Variants in RBFOX1 observed in about 807,000 individuals in gnomAD.
The protein encoded by RBFOX1 is RNA binding protein fox-1 homolog 1.
RBFOX1 carries 8 observed loss-of-function variants against 57.7 expected under a neutral mutation model. The ratio of observed to expected loss-of-function variants is 0.14; its 90% CI spans 0.08 to 0.25. The LOEUF (loss-of-function observed/expected upper bound fraction) is 0.25. Ranked by LOEUF, RBFOX1 falls within the 10% of genes least tolerant of loss-of-function variation. The pLI is 1.00. For synonymous variants in RBFOX1, 326 were observed against 222.4 expected, an observed-to-expected ratio of 1.47 and a Z score of -4.15; for missense variants, 611 against 548.5, an observed-to-expected ratio of 1.11 and a Z score of -1.14.
intron 3 of RBFOX1, among the ~76,000 whole-genome samples, chr16:6,919,432 C>G (rs1055634149): frequency 7.0e-6 from 1 of 143,310 alleles, no homozygotes; most frequent in African/African-American, 2.6e-5. Flanking sequence ...AAAGCTCCCC[C>G]AAACTGGAAC....
chr16:5,485,835 G>C (rs757785782), intron 2 of RBFOX1, among the ~76,000 whole-genome samples: 1 of 152,228 alleles, frequency 6.6e-6, no homozygotes, highest in Non-Finnish European at 1.5e-5. Flanking sequence ...GATAGAATCT[G>C]TAATCAGGTT....
intron 1 of RBFOX1, among the ~76,000 whole-genome samples, chr16:5,340,990 G>T (rs2065019586): frequency 6.6e-6 from 1 of 152,180 alleles, no homozygotes; most frequent in Admixed American, 6.5e-5. Flanking sequence ...GCAGTGACCT[G>T]TGTGATATGA....
chr16:6,545,390 C>G (rs911411074), intron 2 of RBFOX1, among the ~76,000 whole-genome samples: 5 of 152,174 alleles, frequency 3.3e-5, no homozygotes, highest in Admixed American at 3.3e-4. Context: ...TTCTCTCCAA[C>G]CCCTCTCTCT....
intron 6 of RBFOX1, among the ~76,000 whole-genome samples, chr16:7,583,993 T>A (rs6500988): frequency 6.6e-6 from 1 of 152,038 alleles, no homozygotes; most frequent in Non-Finnish European, 1.5e-5. Flanking sequence ...CCTGTACTTA[T>A]GACGTTAATG....
At chr16:6,806,839 T>G (rs575938242) in intron 3 of RBFOX1, among the ~76,000 whole-genome samples, 1 of 109,782 alleles carries the variant, frequency 9.1e-6, no homozygotes, top group African/African-American at 3.4e-5. Context: ...TATATATATT[T>G]TTTTTTTTTT....
intron 2 of RBFOX1, among the ~76,000 whole-genome samples, chr16:6,513,548 A>G (rs1202010006): frequency 6.6e-6 from 1 of 152,102 alleles, no homozygotes; most frequent in Non-Finnish European, 1.5e-5. Flanking sequence ...AGCCTAGCCA[A>G]CATGGTGAAA....
intron 3 of RBFOX1, among the ~76,000 whole-genome samples, chr16:5,656,168 C>G (rs964404233): frequency 3.3e-5 from 5 of 152,108 alleles, no homozygotes; most frequent in African/African-American, 1.2e-4. Context: ...TGTTTCTCTT[C>G]TTAGGTGCAT....
At chr16:7,032,930 T>G (rs1053583074) in intron 3 of RBFOX1, among the ~76,000 whole-genome samples, 2 of 152,202 alleles carry the variant, frequency 1.3e-5, no homozygotes, top group Non-Finnish European at 2.9e-5. Flanking sequence ...TTTTCCTGGC[T>G]GGTGGGAGAA....
intron 3 of RBFOX1, among the ~76,000 whole-genome samples, chr16:7,020,411 A>C (rs1292901935): frequency 6.6e-6 from 1 of 151,962 alleles, no homozygotes; most frequent in African/African-American, 2.4e-5. Context: ...AGTAGAGATG[A>C]GGTTTCACCA....
Position 6,540,080 on chromosome 16 carries a change from T to C in RBFOX1, c.-63-114523T>C, listed in dbSNP as rs537388833. Among the ~76,000 whole-genome samples, 347 of 152,230 alleles carry C rather than the reference T, an allele frequency of 2.3e-3. 1 individual carries two copies. Among genetic ancestry groups the C allele is most frequent in the African/African-American group, 8.0e-3 (332 of 41,550 alleles). On this transcript the variant is annotated intron_variant, in intron 2 of 15. Transcript: ENST00000550418. ...CTCACGTGACTTGACTTTGATGAAA[T>C]AGAGAAGCAGGCTGCCCTCTGTCAG...
chr16:6,616,406 A>T (rs1206448388), intron 2 of RBFOX1, among the ~76,000 whole-genome samples: 1 of 151,174 alleles, frequency 6.6e-6, no homozygotes, highest in Admixed American at 6.6e-5. Context: ...GCCAGGCGTG[A>T]TGGCTCACGC....
chr16:7,403,160 T>C (rs1187500851), intron 4 of RBFOX1, among the ~76,000 whole-genome samples: 1 of 152,206 alleles, frequency 6.6e-6, no homozygotes, highest in African/African-American at 2.4e-5. Context: ...TATTTTGATA[T>C]ATGTATACAT....
chr16:6,741,990 G>A (rs1027655060), intron 3 of RBFOX1, among the ~76,000 whole-genome samples: 40 of 152,088 alleles, frequency 2.6e-4, no homozygotes, highest in African/African-American at 7.7e-4. Flanking sequence ...GATTTCAAAT[G>A]TTTTCACCAC....
intron 1 of RBFOX1, among the ~76,000 whole-genome samples, chr16:5,243,220 G>T (rs375734984): frequency 6.6e-6 from 1 of 152,138 alleles, no homozygotes; most frequent in Non-Finnish European, 1.5e-5. Flanking sequence ...TTAACCATTT[G>T]TTGAGCCTTC....
rs555540639 is a variant in RBFOX1, at chr16:5,664,375, C to T, written c.318+65414C>T. On this transcript the variant is annotated intron_variant, in intron 3 of 19. Coordinates refer to the RBFOX1 transcript ENST00000641259. ...CCATACTGGCCAACATGGTGAAACA[C>T]TGTCTCTACTAAAAATACAAAAATT... 5.9e-5 allele frequency among the ~76,000 whole-genome samples: 9 copies of T among 152,266 alleles called. No homozygotes were observed. In the South Asian group the frequency reaches 1.0e-3, roughly 18 times the overall value.
At chr16:7,617,670 T>A (rs560113462) in intron 10 of RBFOX1, among the ~76,000 whole-genome samples, 1 of 152,326 alleles carries the variant, frequency 6.6e-6, no homozygotes, top group South Asian at 2.1e-4. Context: ...ATTCACCTTT[T>A]ATTGCAGAAT....
intron 4 of RBFOX1, among the ~76,000 whole-genome samples, chr16:7,471,126 T>C (rs1239431214): frequency 6.6e-6 from 1 of 152,164 alleles, no homozygotes; most frequent in Non-Finnish European, 1.5e-5. Context: ...AACTACGTCT[T>C]GTTTATTTGC....
chr16:5,578,382 T>G (rs2039057194), intron 2 of RBFOX1, among the ~76,000 whole-genome samples: 1 of 152,000 alleles, frequency 6.6e-6, no homozygotes, highest in African/African-American at 2.4e-5. Context: ...GAAGGAAGGG[T>G]GGAGTGGAGA....
At chr16:6,491,853 C>G (rs1175441598) in intron 2 of RBFOX1, among the ~76,000 whole-genome samples, 3 of 152,152 alleles carry the variant, frequency 2.0e-5, no homozygotes, top group Admixed American at 2.0e-4. Context: ...AATCATTGTT[C>G]TAACATTGGT....
Sources: allele counts gnomAD v4.1 joint callset (sites outside exome capture counted in the v4.1 genomes callset), GRCh38; gene constraint gnomAD v4.1.1; transcripts MANE v1.5; gene names NCBI Gene and HGNC (gene_info 2026-07-23, HGNC 2026-07-21).